Variants in PEX5L observed in about 807,000 individuals in gnomAD.
PEX5L encodes the protein peroxisomal biogenesis factor 5 like.
A neutral mutation model predicts 84.0 loss-of-function variants in PEX5L; 30 were observed. The observed-to-expected ratio is 0.36, with a 90% CI of 0.27 to 0.48. PEX5L has a LOEUF of 0.48. PEX5L is among the 20% of genes least tolerant of loss of function. The pLI is 0.99. For synonymous variants in PEX5L, 270 were observed against 283.1 expected (o/e 0.95, Z 0.46); for missense variants, 533 against 754.6 (o/e 0.71, Z 3.44).
chr3:179,879,508 A>G (rs1246067341), intron 5 of PEX5L, among the ~76,000 whole-genome samples: 2 of 152,184 alleles, frequency 1.3e-5, no homozygotes, highest in African/African-American at 4.8e-5. Flanking sequence ...TTATTATTGT[A>G]TGGCATGTAT....
intron 2 of PEX5L, among the ~76,000 whole-genome samples, chr3:179,966,244 C>T (rs146102363): frequency 3.3e-5 from 5 of 152,136 alleles, no homozygotes; most frequent in African/African-American, 1.2e-4. Context: ...GCAGGCTGAG[C>T]AGGTGGTCTC....
At chr3:179,881,299 C>T (rs1754091230) in intron 4 of PEX5L, 1 of 152,238 alleles carries the variant, frequency 6.6e-6, no homozygotes, top group Non-Finnish European at 1.5e-5. Flanking sequence ...GCATGGGCTT[C>T]ATGAGTTAAC....
chr3:179,797,672 A>ATAAC lies in PEX5L; in HGVS notation c.*4152_*4155dup, dbSNP rs1196037719. 1 of 149,876 alleles carries ATAAC rather than the reference A, an allele frequency of 6.7e-6. No homozygotes were observed. The highest frequency in any genetic ancestry group is 1.5e-5 in the Non-Finnish European group (1 of 67,608). 9.3% of individuals were successfully genotyped at this position (149,876 alleles called of 1,614,324 possible). The stretch of plus-strand genomic sequence containing the variant: ...AAACAGTTTAATTTCAACCAGTTCT[A>ATAAC]TAACTATTGAGATGATGATAGGGAA... On this transcript the variant is annotated 3_prime_UTR_variant, in exon 15 of 15. Transcript: ENST00000467460.
At chr3:179,809,269 C>T (rs77082297) in intron 12 of PEX5L, among the ~76,000 whole-genome samples, 77 of 152,142 alleles carry the variant, frequency 5.1e-4, no homozygotes, top group African/African-American at 1.9e-3. Flanking sequence ...TGAGTGCCCA[C>T]AATGTAGATC....
intron 3 of PEX5L, among the ~76,000 whole-genome samples, chr3:179,897,024 T>C (rs1451790543): frequency 2.0e-5 from 3 of 152,144 alleles, no homozygotes; most frequent in Admixed American, 1.3e-4. Context: ...GAATCTTTAA[T>C]AGCTTTAAAA....
chr3:179,883,725 G>C (rs934074065), intron 4 of PEX5L, among the ~76,000 whole-genome samples: 38 of 152,220 alleles, frequency 2.5e-4, no homozygotes, highest in African/African-American at 9.1e-4. Flanking sequence ...CGGAGGTTGC[G>C]GTGAGCCAAG....
chr3:179,968,782 T>C (rs1784034801), intron 2 of PEX5L, among the ~76,000 whole-genome samples: 3 of 151,672 alleles, frequency 2.0e-5, no homozygotes. Context: ...ACATCAACAC[T>C]CATTTAAGTG....
intron 1 of PEX5L, among the ~76,000 whole-genome samples, chr3:180,019,556 A>G (rs1447473953): frequency 6.6e-6 from 1 of 152,120 alleles, no homozygotes; most frequent in Non-Finnish European, 1.5e-5. Context: ...CTAGTTTCCC[A>G]TTTTTATTTA....
intron 1 of PEX5L, among the ~76,000 whole-genome samples, chr3:180,005,052 T>C (rs75700782): frequency 0.041 from 6,196 of 152,178 alleles, 415 homozygotes; most frequent in African/African-American, 0.14. Context: ...CTTTCTATTA[T>C]TGTGTTAATG....
chr3:179,886,322 T>C (rs1354273941), intron 4 of PEX5L, among the ~76,000 whole-genome samples: 2 of 152,218 alleles, frequency 1.3e-5, no homozygotes, highest in Admixed American at 6.5e-5. Context: ...ATTTCCTACC[T>C]AGAATTTGCC....
At chr3:180,028,277 A>T (rs1791144473) in intron 1 of PEX5L, among the ~76,000 whole-genome samples, 1 of 152,182 alleles carries the variant, frequency 6.6e-6, no homozygotes, top group Admixed American at 6.5e-5. Context: ...TAGTCAGTCC[A>T]AGGAGAAACA....
chr3:179,890,631 C>T (rs1170360997), intron 3 of PEX5L, among the ~76,000 whole-genome samples: 1 of 152,098 alleles, frequency 6.6e-6, no homozygotes, highest in Non-Finnish European at 1.5e-5. Flanking sequence ...GGAAAATCCC[C>T]TGTACTCTTT....
At chr3:179,816,548 G>A (rs1016971797) in intron 9 of PEX5L, among the ~76,000 whole-genome samples, 2 of 152,054 alleles carry the variant, frequency 1.3e-5, no homozygotes, top group African/African-American at 2.4e-5. Flanking sequence ...GAGAACACGT[G>A]GACACAGGGA....
At chr3:179,914,009 T>C (rs1578380474) in intron 2 of PEX5L, among the ~76,000 whole-genome samples, 2 of 152,322 alleles carry the variant, frequency 1.3e-5, no homozygotes, top group African/African-American at 2.4e-5. Flanking sequence ...TCTCTGTATA[T>C]GATATTTGTG....
At chr3:179,837,702 A>C (rs1459773309) in intron 8 of PEX5L, among the ~76,000 whole-genome samples, 2 of 152,236 alleles carry the variant, frequency 1.3e-5, no homozygotes, top group African/African-American at 4.8e-5. Flanking sequence ...TGGGATGCTA[A>C]ATAGTGGAAT....
At chr3:179,900,779 CT>C (rs778671235) in intron 2 of PEX5L, 4 of 1,384,314 alleles carry the variant, frequency 2.9e-6, no homozygotes, top group Non-Finnish European at 4.0e-6. Context: ...CTGCTAGCAA[CT>C]TTTTTCTTTA....
chr3:179,904,822 G>A (rs1272888203), intron 2 of PEX5L, among the ~76,000 whole-genome samples: 2 of 151,960 alleles, frequency 1.3e-5, no homozygotes, highest in Non-Finnish European at 1.5e-5. Context: ...AGTTGGGGTC[G>A]TCTCCTCGAC....
chr3:179,986,592 C>T (rs934419190), intron 1 of PEX5L, among the ~76,000 whole-genome samples: 5 of 151,708 alleles, frequency 3.3e-5, no homozygotes, highest in African/African-American at 9.7e-5. Flanking sequence ...TTAGTAGAGA[C>T]GGGGTTTCAC....
At chr3:179,885,318 G>A (rs1417705216) in intron 4 of PEX5L, among the ~76,000 whole-genome samples, 8 of 152,134 alleles carry the variant, frequency 5.3e-5, no homozygotes, top group Non-Finnish European at 1.0e-4. Context: ...AATAGGGTGG[G>A]CCCCTACTTT....
Sources: allele counts gnomAD v4.1 joint callset (sites outside exome capture counted in the v4.1 genomes callset), GRCh38; gene constraint gnomAD v4.1.1; transcripts MANE v1.5; gene names NCBI Gene and HGNC (gene_info 2026-07-23, HGNC 2026-07-21).